Variants in CADM1 observed in about 807,000 individuals in gnomAD.
The protein encoded by CADM1 is TSLC-1.
Under a neutral mutation model 53.1 loss-of-function variants are expected in CADM1, and 15 were observed. The ratio of observed to expected loss-of-function variants is 0.28; its 90% CI spans 0.19 to 0.44. The LOEUF is 0.44. CADM1 is among the 20% of genes least tolerant of loss of function. The pLI, the probability that CADM1 is intolerant of heterozygous loss-of-function variation, is 1.00. For missense variants in CADM1, 434 were observed against 611.3 expected, an observed-to-expected ratio of 0.71 and a Z score of 3.06; for synonymous variants, 281 against 243.0, an observed-to-expected ratio of 1.16 and a Z score of -1.45.
At chr11:115,405,146 G>A (rs549451170) in intron 1 of CADM1, among the ~76,000 whole-genome samples, 9 of 151,902 alleles carry the variant, frequency 5.9e-5, no homozygotes, top group Non-Finnish European at 1.2e-4. Context: ...TTAAAGACGG[G>A]GTCTTGCTGT....
intron 1 of CADM1, among the ~76,000 whole-genome samples, chr11:115,367,855 C>T (rs1021634826): frequency 6.6e-6 from 1 of 151,786 alleles, no homozygotes; most frequent in Non-Finnish European, 1.5e-5. Flanking sequence ...ATAAGATGAT[C>T]TCTCATTTTC....
intron 8 of CADM1, among the ~76,000 whole-genome samples, chr11:115,202,244 T>C (rs1591599816): frequency 6.6e-6 from 1 of 151,940 alleles, no homozygotes; most frequent in Non-Finnish European, 1.5e-5. Flanking sequence ...GTTGAAACAG[T>C]CATGTGTAAG....
At chr11:115,438,445 A>G (rs1428331068) in intron 1 of CADM1, among the ~76,000 whole-genome samples, 1 of 152,126 alleles carries the variant, frequency 6.6e-6, no homozygotes, top group African/African-American at 2.4e-5. Flanking sequence ...TTATTTTCCA[A>G]CAGATGTTCT....
intron 1 of CADM1, among the ~76,000 whole-genome samples, chr11:115,281,451 A>G (rs1280718132): frequency 9.2e-5 from 14 of 152,234 alleles, no homozygotes; most frequent in Non-Finnish European, 2.1e-4. Flanking sequence ...AACGGGGGCA[A>G]AGCCACTTTC....
At chr11:115,366,036 T>C (rs1303655781) in intron 1 of CADM1, among the ~76,000 whole-genome samples, 1 of 152,208 alleles carries the variant, frequency 6.6e-6, no homozygotes, top group East Asian at 1.9e-4. Context: ...CTGCCCACTG[T>C]GTGGTAATAT....
chr11:115,280,725 A>T (rs1167245533), intron 1 of CADM1, among the ~76,000 whole-genome samples: 1 of 152,256 alleles, frequency 6.6e-6, no homozygotes, highest in African/African-American at 2.4e-5. Flanking sequence ...TAAACAAGGC[A>T]GTCTGTTCCG....
At chr11:115,354,908 A>T (rs1179978506) in intron 1 of CADM1, among the ~76,000 whole-genome samples, 1 of 152,216 alleles carries the variant, frequency 6.6e-6, no homozygotes, top group East Asian at 1.9e-4. Flanking sequence ...ATCCCAATAC[A>T]TTATAGAAAG....
At chr11:115,482,349 T>G (rs767416112) in intron 1 of CADM1, among the ~76,000 whole-genome samples, 3 of 152,216 alleles carry the variant, frequency 2.0e-5, no homozygotes, top group Non-Finnish European at 4.4e-5. Flanking sequence ...ATCTAAAATA[T>G]AAGTTCCTTG....
intron 1 of CADM1, among the ~76,000 whole-genome samples, chr11:115,244,554 G>C (rs1454765155): frequency 6.6e-6 from 1 of 152,150 alleles, no homozygotes; most frequent in Non-Finnish European, 1.5e-5. Context: ...CCCCGCTTTA[G>C]AGATGAAAAA....
In CADM1 at chr11:115,378,703, A is replaced by G. The variant is rs752078131; in HGVS notation, c.124+125568T>C. 2.0e-5 allele frequency among the ~76,000 whole-genome samples: 3 copies of G among 152,154 alleles called. No homozygotes were observed. The South Asian group carries it at 6.2e-4, about 31-fold the overall frequency. On this transcript the variant is annotated intron_variant, in intron 1 of 11. Transcript: ENST00000331581. ...TATCACAACACCCGAAAAACACATAAAATTCAAATTGCAGTGTCCATAAAT... is the reference window on the plus strand; with the variant it reads ...TATCACAACACCCGAAAAACACATAGAATTCAAATTGCAGTGTCCATAAAT...
At chr11:115,428,652 T>C (rs1947959611) in intron 1 of CADM1, among the ~76,000 whole-genome samples, 1 of 152,202 alleles carries the variant, frequency 6.6e-6, no homozygotes. Context: ...TCCTCAATTC[T>C]TATTTTCACT....
At chr11:115,460,099 T>C (rs1948762809) in intron 1 of CADM1, among the ~76,000 whole-genome samples, 1 of 152,218 alleles carries the variant, frequency 6.6e-6, no homozygotes, top group East Asian at 1.9e-4. Flanking sequence ...AGATTCTGTT[T>C]CTAGAGAAAG....
chr11:115,316,648 A>G (rs1944674852), intron 1 of CADM1, among the ~76,000 whole-genome samples: 1 of 152,162 alleles, frequency 6.6e-6, no homozygotes, highest in Non-Finnish European at 1.5e-5. Context: ...TAAAACCCAG[A>G]AAACTGTTAT....
intron 1 of CADM1, among the ~76,000 whole-genome samples, chr11:115,471,198 T>G (rs1949003597): frequency 6.6e-6 from 1 of 152,202 alleles, no homozygotes; most frequent in African/African-American, 2.4e-5. Context: ...AGACCAAAAA[T>G]TTGTACCAAA....
At chr11:115,251,731 T>A (rs569145103) in intron 1 of CADM1, among the ~76,000 whole-genome samples, 1 of 152,316 alleles carries the variant, frequency 6.6e-6, no homozygotes, top group South Asian at 2.1e-4. Flanking sequence ...AAGCAAGTGC[T>A]AGTGGTTTTT....
chr11:115,232,264 T>A (rs1193622214), intron 3 of CADM1, among the ~76,000 whole-genome samples: 1 of 152,092 alleles, frequency 6.6e-6, no homozygotes, highest in Non-Finnish European at 1.5e-5. Context: ...AATCTTTGAG[T>A]CCCTTAAAAG....
intron 1 of CADM1, among the ~76,000 whole-genome samples, chr11:115,315,826 A>G (rs894087596): frequency 6.6e-6 from 1 of 152,134 alleles, no homozygotes; most frequent in African/African-American, 2.4e-5. Context: ...TAAAAACACA[A>G]TTGTTTCTTT....
At chr11:115,295,506 T>G (rs11215468) in intron 1 of CADM1, among the ~76,000 whole-genome samples, 1 of 55,056 alleles carries the variant, frequency 1.8e-5, no homozygotes, top group Non-Finnish European at 3.1e-5. Flanking sequence ...TCAAGATATT[T>G]TATATATATA....
Position 115,214,596 on chromosome 11 carries a change from C to T in CADM1, c.994+12G>A, listed in dbSNP as rs947501184. The T allele has an allele frequency of 3.1e-6, 5 of 1,612,296 alleles. No homozygotes were observed. Among genetic ancestry groups the T allele is most frequent in the African/African-American group, 2.7e-5 (2 of 74,878 alleles). ...TGACTCTAGTAGAAGAGCATTTTATCTTCTCACGTACCGTATACATACAGC... is the reference window on the plus strand; with the variant it reads ...TGACTCTAGTAGAAGAGCATTTTATTTTCTCACGTACCGTATACATACAGC... On this transcript the variant is annotated intron_variant, in intron 7 of 11. Transcript: ENST00000331581.
Sources: allele counts gnomAD v4.1 joint callset (sites outside exome capture counted in the v4.1 genomes callset), GRCh38; gene constraint gnomAD v4.1.1; transcripts MANE v1.5; gene names NCBI Gene and HGNC (gene_info 2026-07-23, HGNC 2026-07-21).